PDK1: variants seen among roughly 807,000 people sequenced by gnomAD.
PDK1 encodes the protein pyruvate dehydrogenase kinase 1.
Under a neutral mutation model 54.2 loss-of-function variants are expected in PDK1, and 39 were observed. The observed-to-expected ratio is 0.72, with a 90% CI of 0.56 to 0.94. The LOEUF is 0.94. PDK1 is among the 40% of genes least tolerant of loss of function. The probability of loss-of-function intolerance (pLI) is 0.00; values close to 1 mark genes in which losing one functional copy is unlikely to be tolerated. For missense variants in PDK1, 552 were observed against 566.0 expected (o/e 0.98, Z 0.25); for synonymous variants, 221 against 207.1 (o/e 1.07, Z -0.58).
At chr2:172,611,967 C>T (rs923024709), downstream of PDK1, among the ~76,000 whole-genome samples, 1 of 152,212 alleles carries the variant, frequency 6.6e-6, no homozygotes, top group African/African-American at 2.4e-5. Context: ...CCTTGTAAAT[C>T]AGTGAGTCAG....
intron 3 of PDK1, among the ~76,000 whole-genome samples, chr2:172,563,085 A>C (rs1688743365): frequency 1.3e-5 from 2 of 152,232 alleles, no homozygotes; most frequent in Non-Finnish European, 2.9e-5. Context: ...TCTTTAAAAC[A>C]ATTCATTGAA....
At position 172,568,073 on chromosome 2, in the gene PDK1, T is replaced by C. The variant is rs1689049008; in HGVS notation, c.770-668T>C. ...TATGGGCTGGGCGCAGTGGCTCACA[T>C]CTATAATCCCAGCACTTTGGGAGGC... On this transcript the variant is annotated intron_variant, in intron 6 of 10. Coordinates refer to ENST00000282077, the MANE Select transcript of PDK1 (RefSeq NM_002610.5). Among the ~76,000 whole-genome samples, 4 of 151,890 alleles carry C rather than the reference T, an allele frequency of 2.6e-5. No homozygotes were observed. The South Asian group carries it at 8.3e-4, about 32-fold the overall frequency.
chr2:172,556,485 C>T (rs1574453098), intron 1 of PDK1, 139 bp downstream of exon 1: 1 of 541,114 alleles, frequency 1.8e-6, no homozygotes, highest in Non-Finnish European at 2.9e-6. Context: ...CCCCCAGCGC[C>T]TTAGGTGCTT....
At chr2:172,583,621 TTTA>T (rs1690046027) in intron 8 of PDK1, among the ~76,000 whole-genome samples, 1 of 152,088 alleles carries the variant, frequency 6.6e-6, no homozygotes, top group Non-Finnish European at 1.5e-5. Flanking sequence ...CCTTGTATAC[TTTA>T]TTATTGATAG....
intron 8 of PDK1, among the ~76,000 whole-genome samples, chr2:172,580,524 G>A (rs1021477740): frequency 6.6e-6 from 1 of 152,190 alleles, no homozygotes; most frequent in Non-Finnish European, 1.5e-5. Flanking sequence ...TTACTTCTGT[G>A]CTGGTGGATG....
At chr2:172,567,004 G>A (rs934455346) in intron 6 of PDK1, 71 bp downstream of exon 6, 2 of 1,034,184 alleles carry the variant, frequency 1.9e-6, no homozygotes, top group Non-Finnish European at 2.9e-6. Flanking sequence ...GAATTTAAAT[G>A]TTTTAATGGA....
At chr2:172,668,282 T>A in the PDK1 span, among the ~76,000 whole-genome samples, 29 of 146,900 alleles carry the variant, frequency 2.0e-4, no homozygotes, top group East Asian at 7.8e-4. Context: ...TTCTTTATTT[T>A]TTTTTTTTTT....
At chr2:172,659,747 G>C in the PDK1 span, among the ~76,000 whole-genome samples, 7 of 152,138 alleles carry the variant, frequency 4.6e-5, no homozygotes, top group Non-Finnish European at 1.5e-5. Context: ...GGCAATGTAG[G>C]GTACTTTAAC....
chr2:172,616,107 C>T, the PDK1 span, among the ~76,000 whole-genome samples: 1 of 152,132 alleles, frequency 6.6e-6, no homozygotes, highest in Non-Finnish European at 1.5e-5. Context: ...CTAACAAAGC[C>T]AAATGTGAGA....
intron 9 of PDK1, among the ~76,000 whole-genome samples, chr2:172,587,334 T>C (rs1175105706): frequency 1.3e-5 from 2 of 151,908 alleles, no homozygotes; most frequent in Admixed American, 1.3e-4. Flanking sequence ...TCACGGAGAG[T>C]GTTACAGCTC....
the PDK1 span, among the ~76,000 whole-genome samples, chr2:172,710,845 C>T: frequency 6.6e-6 from 1 of 152,232 alleles, no homozygotes; most frequent in Non-Finnish European, 1.5e-5. Flanking sequence ...CTCTAATTCT[C>T]AGTCGAGTGA....
At chr2:172,617,551 G>A in the PDK1 span, among the ~76,000 whole-genome samples, 1 of 152,040 alleles carries the variant, frequency 6.6e-6, no homozygotes, top group African/African-American at 2.4e-5. Flanking sequence ...CATCTGAGGG[G>A]AGGACCATCA....
chr2:172,688,701 G>C, the PDK1 span, among the ~76,000 whole-genome samples: 2 of 152,132 alleles, frequency 1.3e-5, no homozygotes, highest in Non-Finnish European at 2.9e-5. Context: ...AGGAAGATAG[G>C]GAGAAAATTA....
At chr2:172,580,462 T>A (rs1289477330) in intron 8 of PDK1, among the ~76,000 whole-genome samples, 1 of 152,216 alleles carries the variant, frequency 6.6e-6, no homozygotes, top group Non-Finnish European at 1.5e-5. Context: ...ATTGCTATTA[T>A]CCGTCATTGC....
chr2:172,618,424 A>AATAAAGATTAAAACATTCCATTCCTACTT, the PDK1 span, among the ~76,000 whole-genome samples: 1 of 152,272 alleles, frequency 6.6e-6, no homozygotes, highest in Non-Finnish European at 1.5e-5. Context: ...GGCAACAAGC[A>AATAAAGATTAAAACATTCCATTCCTACTT]ATAAAGATTA....
the PDK1 span, among the ~76,000 whole-genome samples, chr2:172,621,713 C>T: frequency 1.1e-4 from 14 of 132,660 alleles, no homozygotes; most frequent in South Asian, 2.3e-4. Flanking sequence ...ATATATCAAA[C>T]ATGTTATATG....
At chr2:172,583,281 GTT>G (rs1175087926) in intron 8 of PDK1, among the ~76,000 whole-genome samples, 3,127 of 76,868 alleles carry the variant, frequency 0.041, 74 homozygotes, top group East Asian at 0.14. Context: ...AAGTTTTCTG[GTT>G]TTTTTTTTTT....
upstream of PDK1, chr2:172,555,853 G>C (rs573881558): frequency 4.6e-5 from 13 of 285,058 alleles, no homozygotes; most frequent in African/African-American, 2.4e-4. Flanking sequence ...GCTGGGGCGG[G>C]ATCTGGGCGG....
chr2:172,618,522 C>T, the PDK1 span, among the ~76,000 whole-genome samples: 7 of 151,286 alleles, frequency 4.6e-5, no homozygotes, highest in Non-Finnish European at 8.9e-5. Flanking sequence ...AGAACTGAAG[C>T]CAAAGATGAA....
Sources: allele counts gnomAD v4.1 joint callset (sites outside exome capture counted in the v4.1 genomes callset), GRCh38; gene constraint gnomAD v4.1.1; transcripts MANE v1.5; gene names NCBI Gene and HGNC (gene_info 2026-07-23, HGNC 2026-07-21).